The following TBC1D22A variants were observed in gnomAD, a reference collection of about 807,000 sequenced individuals.
The protein encoded by TBC1D22A is TBC1 domain family member 22A.
A neutral mutation model predicts 60.2 loss-of-function variants in TBC1D22A; 38 were observed. The observed-to-expected ratio is 0.63, with a 90% CI of 0.49 to 0.83. The LOEUF (loss-of-function observed/expected upper bound fraction) is 0.83. Ranked by LOEUF, TBC1D22A falls within the 40% of genes least tolerant of loss-of-function variation. The pLI is 0.00. For synonymous variants in TBC1D22A, 302 were observed against 281.7 expected (o/e 1.07, Z -0.72); for missense variants, 628 against 701.0 (o/e 0.90, Z 1.18).
chr22:46,854,625 G>A (rs930131862), intron 4 of TBC1D22A, among the ~76,000 whole-genome samples: 1 of 151,662 alleles, frequency 6.6e-6, no homozygotes, highest in Non-Finnish European at 1.5e-5. Context: ...CCCTAGATCA[G>A]ACCTTTATGA....
At chr22:47,058,396 C>G (rs1330870763) in intron 11 of TBC1D22A, among the ~76,000 whole-genome samples, 1 of 152,144 alleles carries the variant, frequency 6.6e-6, no homozygotes, top group African/African-American at 2.4e-5. Flanking sequence ...GCTCTGCAGC[C>G]AGGCCAGCCC....
intron 4 of TBC1D22A, among the ~76,000 whole-genome samples, chr22:46,806,466 A>G (rs1285342706): frequency 6.6e-6 from 1 of 150,960 alleles, no homozygotes; most frequent in Non-Finnish European, 1.5e-5. Context: ...AGATGGTTTA[A>G]ATTCCTTGGA....
At chr22:47,136,008 C>T (rs912749208) in intron 12 of TBC1D22A, among the ~76,000 whole-genome samples, 1 of 152,172 alleles carries the variant, frequency 6.6e-6, no homozygotes, top group African/African-American at 2.4e-5. Context: ...GCTAGTTGCT[C>T]GGGTAGGAGT....
intron 8 of TBC1D22A, among the ~76,000 whole-genome samples, chr22:46,934,050 C>A (rs2071505404): frequency 6.6e-6 from 1 of 152,124 alleles, no homozygotes; most frequent in African/African-American, 2.4e-5. Context: ...GCTTTTCTTG[C>A]CATCTTTATC....
intron 5 of TBC1D22A, among the ~76,000 whole-genome samples, chr22:46,885,388 C>A (rs1039960683): frequency 1.3e-5 from 2 of 152,162 alleles, no homozygotes; most frequent in African/African-American, 2.4e-5. Flanking sequence ...GTCTCCTCGT[C>A]TGCAGATAGG....
At chr22:46,952,207 C>T (rs2072947084) in intron 8 of TBC1D22A, among the ~76,000 whole-genome samples, 1 of 104,030 alleles carries the variant, frequency 9.6e-6, no homozygotes, top group Non-Finnish European at 2.3e-5. Flanking sequence ...AAGCATTTTC[C>T]TCCCAGGCTC....
intron 11 of TBC1D22A, among the ~76,000 whole-genome samples, chr22:47,051,230 T>C (rs1192059870): frequency 6.6e-6 from 1 of 152,220 alleles, no homozygotes; most frequent in Non-Finnish European, 1.5e-5. Context: ...TGTTGTTGTC[T>C]CTAAATACGT....
At chr22:47,013,214 C>T (rs1159398121) in intron 10 of TBC1D22A, among the ~76,000 whole-genome samples, 2 of 152,032 alleles carry the variant, frequency 1.3e-5, no homozygotes, top group Non-Finnish European at 2.9e-5. Context: ...TTTTTAGCTG[C>T]TCAAGTGTGG....
At chr22:47,143,527 G>A (rs993680411) in intron 12 of TBC1D22A, among the ~76,000 whole-genome samples, 1 of 152,240 alleles carries the variant, frequency 6.6e-6, no homozygotes, top group South Asian at 2.1e-4. Context: ...ACCTTCCGGG[G>A]AATGGTGCTC....
At position 46,777,186 on chromosome 22, in the gene TBC1D22A, A is replaced by G. The variant is rs2083741384; in HGVS notation, c.62+14338A>G. Among the ~76,000 whole-genome samples, 1 of 152,110 alleles carries G rather than the reference A, an allele frequency of 6.6e-6. No individual in the cohort carries two copies. Among genetic ancestry groups the G allele is most frequent in the African/African-American group, 2.4e-5 (1 of 41,434 alleles). On this transcript the variant is annotated intron_variant, in intron 1 of 12. Transcript: ENST00000337137. The surrounding 1 kb of genome is among the most constrained non-coding windows in gnomAD (Gnocchi z 4.5). ...TTCTGGAGGTGGTCACAGGAGATACATGGTCAGAATGAGAGAAAATGGAGC... is the reference window on the plus strand; with the variant it reads ...TTCTGGAGGTGGTCACAGGAGATACGTGGTCAGAATGAGAGAAAATGGAGC...
intron 1 of TBC1D22A, among the ~76,000 whole-genome samples, chr22:46,788,234 C>T (rs915037141): frequency 2.0e-4 from 31 of 152,254 alleles, no homozygotes; most frequent in African/African-American, 7.5e-4. Context: ...CCACGCCCGG[C>T]CAGGCAGGCT....
intron 1 of TBC1D22A, among the ~76,000 whole-genome samples, chr22:46,789,654 C>G (rs549083351): frequency 6.6e-6 from 1 of 152,194 alleles, no homozygotes; most frequent in East Asian, 1.9e-4. Flanking sequence ...GAATGGGATA[C>G]TGAATAGAAA....
In TBC1D22A at chr22:47,034,268, G is replaced by A. The variant is rs570433511; in HGVS notation, c.1202-2803G>A. Among the ~76,000 whole-genome samples, 60 of 152,082 alleles carry A rather than the reference G, an allele frequency of 3.9e-4. No individual in the cohort carries two copies. The South Asian group carries it at 9.6e-3, about 24-fold the overall frequency. On this transcript the variant is annotated intron_variant, in intron 10 of 12. Coordinates refer to ENST00000337137, the MANE Select transcript of TBC1D22A (RefSeq NM_014346.5). ...GGAGCTCTTGGAGTGGGTGTCCTGC[G>A]TGAGCCACTGGGACCTGTCCTTCCT...
intron 8 of TBC1D22A, among the ~76,000 whole-genome samples, chr22:46,941,594 C>T (rs575063513): frequency 3.5e-4 from 50 of 144,182 alleles, no homozygotes; most frequent in Admixed American, 1.8e-3. Flanking sequence ...AATATATATA[C>T]GGAATATATA....
intron 12 of TBC1D22A, chr22:47,116,917 C>T (rs2066080479): frequency 6.6e-6 from 1 of 152,378 alleles, no homozygotes. Flanking sequence ...TGAGCCAGGC[C>T]CTGTGCTGTC....
chr22:47,124,511 G>A (rs1437098447), intron 12 of TBC1D22A, among the ~76,000 whole-genome samples: 1 of 152,240 alleles, frequency 6.6e-6, no homozygotes, highest in Non-Finnish European at 1.5e-5. Flanking sequence ...GCATGCAGGT[G>A]GAAGCTCTAT....
intron 8 of TBC1D22A, among the ~76,000 whole-genome samples, chr22:46,958,963 G>A (rs944477257): frequency 7.2e-5 from 11 of 152,086 alleles, no homozygotes; most frequent in African/African-American, 1.2e-4. Context: ...CATTCTTCCC[G>A]CTGCTTGTGA....
chr22:47,082,202 T>A (rs1019553936), intron 11 of TBC1D22A, among the ~76,000 whole-genome samples: 29 of 152,270 alleles, frequency 1.9e-4, no homozygotes, highest in Middle Eastern at 3.4e-3. Context: ...ATTTTTAAAG[T>A]CAGTGAAATC....
chr22:46,989,185 C>T (rs2074840501), intron 9 of TBC1D22A, among the ~76,000 whole-genome samples: 1 of 152,208 alleles, frequency 6.6e-6, no homozygotes, highest in East Asian at 1.9e-4. Flanking sequence ...TAGGCTTTGG[C>T]TTAGGAGAAT....
Sources: gnomAD v4.1 joint callset for allele counts (sites outside exome capture counted in the v4.1 genomes callset) on GRCh38, gnomAD v4.1.1 for gene constraint, Gnocchi (gnomAD v3.1) non-coding constraint, MANE v1.5 for transcripts, NCBI Gene and HGNC (gene_info 2026-07-23, HGNC 2026-07-21) for gene names.